PKD1L1: variants seen among roughly 807,000 people sequenced by gnomAD.
PKD1L1 encodes polycystin 1 like 1, transient receptor potential channel interacting, also known as polycystin-1-like protein 1.
PKD1L1 carries 236 observed loss-of-function variants against 323.4 expected under a neutral mutation model. The observed-to-expected ratio is 0.73, with a 90% CI of 0.66 to 0.81. PKD1L1 has a LOEUF of 0.81. Among genes scored for constraint, PKD1L1 ranks in the 40% least tolerant of loss-of-function variants. The probability of loss-of-function intolerance (pLI) is 0.00; values close to 1 mark genes in which losing one functional copy is unlikely to be tolerated. For synonymous variants in PKD1L1, 1,344 were observed against 1,335.0 expected (o/e 1.01, Z -0.15); for missense variants, 3,320 against 3,508.0 (o/e 0.95, Z 1.35).
At chr7:47,781,785 T>G (rs1786703918) in intron 56 of PKD1L1, among the ~76,000 whole-genome samples, 1 of 152,202 alleles carries the variant, frequency 6.6e-6, no homozygotes, top group Admixed American at 6.5e-5. Flanking sequence ...TTTGACAGTT[T>G]CATGTTTTGC....
At position 47,911,105 on chromosome 7, in the gene PKD1L1, G is replaced by A. The variant is rs556396077; in HGVS notation, c.1229-2855C>T. ...CCCAAAGTTGGAGGTAGAGCTTGGC[G>A]GGAGGTGACTGGATGATGGGAGTGG... On this transcript the variant is annotated intron_variant, in intron 8 of 56. Transcript: ENST00000289672. 8.5e-5 allele frequency among the ~76,000 whole-genome samples: 13 copies of A among 152,244 alleles called. No individual in the cohort carries two copies. The East Asian group carries it at 1.9e-3, about 23-fold the overall frequency.
At chr7:47,876,778 T>C (rs945038726) in intron 22 of PKD1L1, among the ~76,000 whole-genome samples, 2 of 152,044 alleles carry the variant, frequency 1.3e-5, no homozygotes, top group Admixed American at 6.5e-5. Context: ...GAGGCATTCA[T>C]CTTTTTTTAA....
chr7:47,818,294 A>G (rs1463940399), intron 46 of PKD1L1: 2 of 936,712 alleles, frequency 2.1e-6, no homozygotes, highest in African/African-American at 1.7e-5. Context: ...GGTAGGAAAG[A>G]GGCAAAGGAT....
rs1249803332 is a variant in PKD1L1, at chr7:47,946,417, TCA to T, written c.44+1978_44+1979del. ...CACCACACAAACACACCACACAGCA[TCA>T]CACACAATATACACACACCACACAG... On this transcript the variant is annotated intron_variant, in intron 1 of 56. Transcript: ENST00000289672. This position sits in a 1 kb window ranked among gnomAD's most constrained non-coding sequence, Gnocchi z 4.1. Among the ~76,000 whole-genome samples the T allele has an allele frequency of 7.3e-6, 1 of 137,328 alleles. No homozygotes were observed. Among genetic ancestry groups the T allele is most frequent in the African/African-American group, 2.8e-5 (1 of 36,138 alleles). The allele number at this position is 137,328 out of a possible 152,430, so 90.1% of individuals were successfully genotyped here. A position where few individuals can be genotyped will look rare whatever the true frequency, so the allele number is the denominator to read the frequency against.
At chr7:47,927,600 C>A (rs1787680082) in intron 7 of PKD1L1, among the ~76,000 whole-genome samples, 1 of 152,144 alleles carries the variant, frequency 6.6e-6, no homozygotes, top group Non-Finnish European at 1.5e-5. Context: ...CTCATTGAAA[C>A]CCCATATTAG....
At chr7:47,795,267 A>T in intron 55 of PKD1L1, 1 of 434,462 alleles carries the variant, frequency 2.3e-6, no homozygotes, top group Non-Finnish European at 4.6e-6. Flanking sequence ...TAATTGAATC[A>T]TAGGGGCTGG....
intron 26 of PKD1L1, among the ~76,000 whole-genome samples, chr7:47,861,880 CAAAAAAAAA>C (rs60918464): frequency 9.1e-5 from 4 of 43,900 alleles, no homozygotes; most frequent in Non-Finnish European, 1.1e-4. Flanking sequence ...GACTCTGTCT[CAAAAAAAAA>C]AAAAAAAAAA....
At chr7:47,835,969 C>G (rs976973044) in intron 37 of PKD1L1, among the ~76,000 whole-genome samples, 6 of 152,204 alleles carry the variant, frequency 3.9e-5, no homozygotes. Context: ...CATCAACCCA[C>G]AAGGTACCAA....
intron 45 of PKD1L1, among the ~76,000 whole-genome samples, chr7:47,824,756 C>A (rs960277123): frequency 6.6e-6 from 1 of 152,176 alleles, no homozygotes; most frequent in Non-Finnish European, 1.5e-5. Context: ...TGCAGCGAAT[C>A]CTGCAGGCCT....
At chr7:47,825,929 T>G (rs1785232867) in intron 45 of PKD1L1, among the ~76,000 whole-genome samples, 1 of 152,142 alleles carries the variant, frequency 6.6e-6, no homozygotes, top group Non-Finnish European at 1.5e-5. Context: ...TCTGGGCCTG[T>G]TCTGCTTGGT....
intron 37 of PKD1L1, among the ~76,000 whole-genome samples, chr7:47,836,081 C>T (rs894950153): frequency 5.9e-5 from 9 of 152,216 alleles, no homozygotes; most frequent in Admixed American, 2.0e-4. Flanking sequence ...GGTCTATTTC[C>T]AGGTGGACGG....
At chr7:47,934,884 A>T (rs1001472269) in intron 4 of PKD1L1, among the ~76,000 whole-genome samples, 1 of 152,182 alleles carries the variant, frequency 6.6e-6, no homozygotes, top group Admixed American at 6.5e-5. Flanking sequence ...CTAACCAAGC[A>T]CACAGGCCAG....
At chr7:47,871,913 G>T (rs1460054397) in intron 24 of PKD1L1, among the ~76,000 whole-genome samples, 1 of 152,142 alleles carries the variant, frequency 6.6e-6, no homozygotes, top group East Asian at 1.9e-4. Flanking sequence ...GTTGAATGGA[G>T]GTTCTAGTCA....
In PKD1L1 at chr7:47,890,776, T is replaced by C; in HGVS notation, c.2454-13A>G. The C allele has an allele frequency of 6.2e-7, 1 of 1,610,896 alleles. No homozygotes were observed. Among genetic ancestry groups the C allele is most frequent in the Non-Finnish European group, 8.5e-7 (1 of 1,179,238 alleles). ...TTCCCAGTGATACCTGTTGGAGAAG[T>C]CATCGGAGTGGCTGAGGGGAGCATC... On this transcript the variant is annotated splice_polypyrimidine_tract_variant and intron_variant, in intron 15 of 56. Transcript: ENST00000289672.
At chr7:47,790,625 C>T (rs976101793) in intron 56 of PKD1L1, among the ~76,000 whole-genome samples, 5 of 152,140 alleles carry the variant, frequency 3.3e-5, no homozygotes, top group African/African-American at 7.2e-5. Context: ...GTCACCGCAC[C>T]GGGCCATAAC....
At chr7:47,921,058 A>G (rs538551375) in intron 7 of PKD1L1, among the ~76,000 whole-genome samples, 3 of 152,302 alleles carry the variant, frequency 2.0e-5, no homozygotes, top group South Asian at 4.1e-4. Context: ...TAATTAAACT[A>G]AAGAGATTTT....
intron 8 of PKD1L1, among the ~76,000 whole-genome samples, chr7:47,913,078 T>TG (rs1168522024): frequency 6.6e-6 from 1 of 151,886 alleles, no homozygotes; most frequent in Non-Finnish European, 1.5e-5. Flanking sequence ...GGGCCAAACT[T>TG]GGAGAACCAT....
At position 47,929,341 on chromosome 7, in the gene PKD1L1, A is replaced by G. The variant is rs2128755299; in HGVS notation, c.923T>C (p.Leu308Pro). The change falls in exon 7 of 57, where the codon CTG becomes CCG. Residue 308 changes from leucine (L) to proline (P), a missense_variant. Physicochemically the swap from Leu to Pro is moderately conservative, Grantham distance 98. Transcript: ENST00000289672. ...LEVEARAPPN[L>P]GFRVHMASGE... The stretch of plus-strand genomic sequence containing the variant: ...AGAAGCCATATGAACACGGAATCCC[A>G]GATTTGGAGGTGCCCGAGCTTCCAC... 6.2e-7 allele frequency: 1 copy of G among 1,614,178 alleles called. No individual in the cohort carries two copies. The highest frequency in any genetic ancestry group is 8.5e-7 in the Non-Finnish European group (1 of 1,180,038).
chr7:47,894,855 C>CA (rs11417820), intron 14 of PKD1L1, among the ~76,000 whole-genome samples: 57,410 of 125,338 alleles, frequency 0.46, 11,642 homozygotes, highest in East Asian at 0.59. Flanking sequence ...GAGACCCTGT[C>CA]AAAAAAAAAA....
Sources: gnomAD v4.1 joint callset for allele counts (sites outside exome capture counted in the v4.1 genomes callset) on GRCh38, gnomAD v4.1.1 for gene constraint, Gnocchi (gnomAD v3.1) non-coding constraint, MANE v1.5 for transcripts, NCBI Gene and HGNC (gene_info 2026-07-23, HGNC 2026-07-21) for gene names.